VPS41: variants seen among roughly 807,000 people sequenced by gnomAD.
VPS41 encodes vacuolar protein sorting-associated protein 41 homolog.
A neutral mutation model predicts 130.9 loss-of-function variants in VPS41; 85 were observed. The observed-to-expected ratio is 0.65, with a 90% confidence interval of 0.55 to 0.78. The LOEUF is 0.78. Among genes scored for constraint, VPS41 ranks in the 30% least tolerant of loss-of-function variants. The probability of loss-of-function intolerance (pLI) is 0.00; values close to 1 mark genes in which losing one functional copy is unlikely to be tolerated. For missense variants in VPS41, 874 were observed against 1,018.7 expected (o/e 0.86, Z 1.93); for synonymous variants, 335 against 332.9 (o/e 1.01, Z -0.07).
At chr7:38,882,788 A>G (rs112561606) in intron 2 of VPS41, among the ~76,000 whole-genome samples, 2 of 152,312 alleles carry the variant, frequency 1.3e-5, no homozygotes, top group South Asian at 2.1e-4. Context: ...AAAAACAAAA[A>G]GCAACTACAG....
intron 5 of VPS41, among the ~76,000 whole-genome samples, chr7:38,824,823 A>G (rs1785240122): frequency 6.6e-6 from 1 of 152,178 alleles, no homozygotes; most frequent in Admixed American, 6.5e-5. Flanking sequence ...GAAATTTTAG[A>G]AAAAAAGTGA....
In VPS41 at chr7:38,724,556, T is replaced by C. The variant is rs1795498928; in HGVS notation, c.*1690A>G. On this transcript the variant is annotated 3_prime_UTR_variant, in exon 29 of 29. Coordinates refer to ENST00000310301, the MANE Select transcript of VPS41 (RefSeq NM_014396.4). ...TTAACTCTAATGTGAAGATATGTTCTGTGCATTTCCTTTGAACTTGGCCCT... is the reference window on the plus strand; with the variant it reads ...TTAACTCTAATGTGAAGATATGTTCCGTGCATTTCCTTTGAACTTGGCCCT... 6.6e-6 allele frequency: 1 copy of C among 152,628 alleles called. No individual in the cohort carries two copies. Among genetic ancestry groups the C allele is most frequent in the African/African-American group, 2.4e-5 (1 of 41,482 alleles). The allele number at this position is 152,628 out of a possible 1,614,324, so 9.5% of individuals were successfully genotyped here.
chr7:38,849,475 A>C (rs1477229025), intron 4 of VPS41, among the ~76,000 whole-genome samples: 1 of 152,150 alleles, frequency 6.6e-6, no homozygotes, highest in African/African-American at 2.4e-5. Context: ...GGTTTTATTG[A>C]GTGGTAGCTC....
chr7:38,876,132 G>T (rs1447120990), intron 2 of VPS41, among the ~76,000 whole-genome samples: 1 of 152,132 alleles, frequency 6.6e-6, no homozygotes, highest in African/African-American at 2.4e-5. Flanking sequence ...GCAGGTAGAG[G>T]CCAGGGATTA....
At chr7:38,862,192 A>G (rs1786129603) in intron 4 of VPS41, among the ~76,000 whole-genome samples, 1 of 152,190 alleles carries the variant, frequency 6.6e-6, no homozygotes, top group Non-Finnish European at 1.5e-5. Context: ...ACATTGTCAC[A>G]ATTTTAAAAG....
intron 2 of VPS41, among the ~76,000 whole-genome samples, chr7:38,878,692 C>A (rs913150005): frequency 6.6e-6 from 1 of 152,196 alleles, no homozygotes; most frequent in Admixed American, 6.5e-5. Context: ...GCCATCTTGA[C>A]AGACACTGCA....
chr7:38,885,428 G>C (rs1786704312), intron 2 of VPS41, among the ~76,000 whole-genome samples: 1 of 152,054 alleles, frequency 6.6e-6, no homozygotes, highest in Non-Finnish European at 1.5e-5. Flanking sequence ...TCCATAAATA[G>C]AAAAAACCCT....
intron 22 of VPS41, among the ~76,000 whole-genome samples, chr7:38,750,214 C>T (rs531356257): frequency 3.3e-5 from 5 of 152,190 alleles, no homozygotes; most frequent in Non-Finnish European, 7.3e-5. Flanking sequence ...GTTAGTAATA[C>T]TGTCATGAAC....
At chr7:38,784,162 G>T (rs1217018461) in intron 10 of VPS41, among the ~76,000 whole-genome samples, 1 of 152,178 alleles carries the variant, frequency 6.6e-6, no homozygotes, top group African/African-American at 2.4e-5. Context: ...TTACTATGCT[G>T]TGAGGCAGTA....
chr7:38,853,701 C>T (rs529246630), intron 4 of VPS41, among the ~76,000 whole-genome samples: 17 of 152,318 alleles, frequency 1.1e-4, no homozygotes, highest in Admixed American at 1.1e-3. Flanking sequence ...GACAACTAAG[C>T]CCCAGTCTAC....
rs550438874 is a variant in VPS41, at chr7:38,748,515, C to T, written c.1927-2902G>A. ...TTGGCATCTCTCAGCTTTATTCTTC[C>T]GAATTCAGAAATACTGCCACCTTGT... On this transcript the variant is annotated intron_variant, in intron 22 of 28. Transcript: ENST00000310301. Among the ~76,000 whole-genome samples, 6 of 150,844 alleles carry T rather than the reference C, an allele frequency of 4.0e-5. No individual in the cohort carries two copies. In the South Asian group the frequency reaches 6.4e-4, roughly 16 times the overall value.
chr7:38,831,721 A>G (rs1002121626), intron 4 of VPS41, among the ~76,000 whole-genome samples: 3 of 152,268 alleles, frequency 2.0e-5, no homozygotes, highest in African/African-American at 7.2e-5. Context: ...CCCAGAGGAA[A>G]GCAGTCAGCT....
chr7:38,854,752 T>C (rs1378752734), intron 4 of VPS41, among the ~76,000 whole-genome samples: 1 of 151,176 alleles, frequency 6.6e-6, no homozygotes, highest in Non-Finnish European at 1.5e-5. Flanking sequence ...GATGCAGAGA[T>C]AAATTACACA....
chr7:38,834,555 AAG>A (rs1351863133), intron 4 of VPS41, among the ~76,000 whole-genome samples: 1 of 152,198 alleles, frequency 6.6e-6, no homozygotes, highest in Middle Eastern at 3.2e-3. Context: ...CTCTGAGGGG[AAG>A]AGAGAACACT....
intron 4 of VPS41, among the ~76,000 whole-genome samples, chr7:38,851,914 A>G (rs775503924): frequency 5.9e-5 from 9 of 152,224 alleles, no homozygotes; most frequent in Non-Finnish European, 1.3e-4. Context: ...TTTCCTTGCT[A>G]TAAATTAAAC....
At chr7:38,860,697 T>TTGTGTGTGTGTGTGTGTGTGTGTGTG (rs59007809) in intron 4 of VPS41, among the ~76,000 whole-genome samples, 1 of 143,396 alleles carries the variant, frequency 7.0e-6, no homozygotes, top group Non-Finnish European at 1.5e-5. Flanking sequence ...AACAATCTGT[T>TTGTGTGTGTGTGTGTGTGTGTGTGTG]TGTGTGTGTG....
intron 1 of VPS41, among the ~76,000 whole-genome samples, chr7:38,901,513 G>A (rs936843029): frequency 6.6e-6 from 1 of 152,136 alleles, no homozygotes; most frequent in African/African-American, 2.4e-5. Flanking sequence ...GAGGGCAATG[G>A]GGAGGTGCCA....
At chr7:38,795,355 C>T in intron 9 of VPS41, 110 bp downstream of exon 9, 1 of 829,606 alleles carries the variant, frequency 1.2e-6, no homozygotes, top group South Asian at 2.5e-5. Flanking sequence ...ACAATAACAT[C>T]CAAGTGAAAA....
At chr7:38,858,054 TAGA>T (rs879610639) in intron 4 of VPS41, among the ~76,000 whole-genome samples, 5 of 152,304 alleles carry the variant, frequency 3.3e-5, no homozygotes, top group East Asian at 3.9e-4. Flanking sequence ...TCTTACTATG[TAGA>T]AGAAGTCTTA....
Sources: gnomAD v4.1 joint callset for allele counts (sites outside exome capture counted in the v4.1 genomes callset) on GRCh38, gnomAD v4.1.1 for gene constraint, MANE v1.5 for transcripts, NCBI Gene and HGNC (gene_info 2026-07-23, HGNC 2026-07-21) for gene names.